STIP1: variants seen among roughly 807,000 people sequenced by gnomAD.
STIP1 encodes the protein stress-induced-phosphoprotein 1.
In STIP1, 16 loss-of-function variants were observed where a neutral mutation model predicts 77.4. That is an observed-to-expected ratio of 0.21 (90% CI 0.14 to 0.31). The LOEUF (loss-of-function observed/expected upper bound fraction) is 0.31. Among genes scored for constraint, STIP1 ranks in the 10% least tolerant of loss-of-function variants. STIP1 has a pLI of 1.00. For synonymous variants in STIP1, 258 were observed against 246.6 expected (o/e 1.05, Z -0.44); for missense variants, 524 against 684.8 (o/e 0.77, Z 2.62).
intron 1 of STIP1, among the ~76,000 whole-genome samples, chr11:64,188,630 G>A (rs57021319): frequency 0.11 from 16,872 of 152,190 alleles, 1,169 homozygotes; most frequent in Non-Finnish European, 0.16. Context: ...TCTAGCCTTG[G>A]CCTCCCACTT....
chr11:64,185,677 C>A (rs1318222972), upstream of STIP1: 2 of 1,142,292 alleles, frequency 1.8e-6, no homozygotes, highest in Non-Finnish European at 2.4e-6. Flanking sequence ...GACACAGCTA[C>A]AGACCCCGAC....
In STIP1 at chr11:64,203,497, G is replaced by A. The variant is rs1163131892; in HGVS notation, c.1434G>A (p.Arg478=). The change falls in exon 13 of 14, where the codon CGG becomes CGA. Residue 478 remains arginine (R), a synonymous_variant. Coordinates refer to ENST00000305218, the MANE Select transcript of STIP1 (RefSeq NM_006819.3). ...GCTGTATGATGGCGCAGTACAACCG[G>A]CACGACAGCCCCGAAGATGTGAAGC... ...YQRCMMAQYN[R]HDSPEDVKRR... 4.3e-6 allele frequency: 7 copies of A among 1,613,954 alleles called. No homozygotes were observed. The highest frequency in any genetic ancestry group is 5.9e-6 in the Non-Finnish European group (7 of 1,180,018).
At chr11:64,191,125 T>G (rs915316122) in intron 1 of STIP1, among the ~76,000 whole-genome samples, 1 of 147,962 alleles carries the variant, frequency 6.8e-6, no homozygotes, top group Non-Finnish European at 1.5e-5. Context: ...AGGCAGAGGT[T>G]GTGGTGAGGC....
At chr11:64,185,816 G>A, upstream of STIP1, 3 of 1,535,858 alleles carry the variant, frequency 2.0e-6, no homozygotes, top group African/African-American at 2.7e-5. Flanking sequence ...TTCTGAAGGC[G>A]GTTCCGACAT....
chr11:64,191,757 C>CT (rs879445704), intron 1 of STIP1, among the ~76,000 whole-genome samples: 401 of 142,874 alleles, frequency 2.8e-3, no homozygotes, highest in African/African-American at 3.0e-3. Flanking sequence ...GCCTGCCTCA[C>CT]TTTTTTTTTT....
chr11:64,195,459 A>G (rs1218939722), intron 4 of STIP1, among the ~76,000 whole-genome samples, 186 bp from the exon 5 acceptor site: 1 of 152,098 alleles, frequency 6.6e-6, no homozygotes, highest in Non-Finnish European at 1.5e-5. Context: ...TCTATTTTAG[A>G]TAGTGTTTTG....
intron 10 of STIP1, among the ~76,000 whole-genome samples, chr11:64,200,589 T>TCG (rs1294036024): frequency 9.3e-6 from 1 of 107,034 alleles, no homozygotes; most frequent in Non-Finnish European, 1.9e-5. Context: ...ATCTAACTGG[T>TCG]CGTGTGTGTG....
chr11:64,198,753 GTTTT>G (rs371481270), intron 8 of STIP1, among the ~76,000 whole-genome samples: 1 of 111,060 alleles, frequency 9.0e-6, no homozygotes, highest in Non-Finnish European at 1.8e-5. Context: ...TTTTTTTGTG[GTTTT>G]TTTTTTTTTT....
At chr11:64,196,845 C>T (rs1946156170) in intron 5 of STIP1, 1 of 173,506 alleles carries the variant, frequency 5.8e-6, no homozygotes, top group African/African-American at 2.4e-5. Context: ...CACTCAGCCG[C>T]TTCTCATCCT....
chr11:64,199,917 A>G (rs1479422057), intron 8 of STIP1, 23 bp from the exon 9 acceptor site: 1 of 1,613,200 alleles, frequency 6.2e-7, no homozygotes, highest in African/African-American at 1.3e-5. Context: ...TTAAATTATT[A>G]TTTCAAGAAT....
chr11:64,194,139 G>C (rs1946121655), intron 2 of STIP1, 50 bp from the exon 3 acceptor site: 1 of 1,573,124 alleles, frequency 6.4e-7, no homozygotes, highest in Non-Finnish European at 8.6e-7. Context: ...TCGTCTTCTA[G>C]ATTTACCTCT....
upstream of STIP1, chr11:64,185,966 C>T: frequency 6.5e-7 from 1 of 1,538,800 alleles, no homozygotes; most frequent in Non-Finnish European, 8.7e-7. Flanking sequence ...TTCGTGGAGC[C>T]TGAGATGGGT....
intron 13 of STIP1, 67 bp from the exon 14 acceptor site, chr11:64,203,987 C>T (rs1946252860): frequency 1.3e-6 from 2 of 1,582,160 alleles, no homozygotes; most frequent in South Asian, 2.2e-5. Flanking sequence ...TGAATTGGGG[C>T]TTGCTCTGAG....
At chr11:64,194,426 A>G in intron 3 of STIP1, 53 bp from the exon 4 acceptor site, 2 of 1,612,428 alleles carry the variant, frequency 1.2e-6, no homozygotes, top group South Asian at 2.2e-5. Context: ...TATGGGACAC[A>G]GTAATTCTAG....
At chr11:64,189,120 T>C (rs553474157) in intron 1 of STIP1, among the ~76,000 whole-genome samples, 24 of 152,318 alleles carry the variant, frequency 1.6e-4, no homozygotes, top group Admixed American at 9.8e-4. Context: ...CCCAACACTT[T>C]GGGAGGTTGA....
intron 1 of STIP1, among the ~76,000 whole-genome samples, chr11:64,191,187 CAAA>C (rs756671182): frequency 1.2e-4 from 9 of 73,438 alleles, no homozygotes; most frequent in Non-Finnish European, 1.8e-4. Context: ...AACTCTGTCT[CAAA>C]AAAAAAAAAA....
In STIP1 at chr11:64,191,178, A is replaced by G. The variant is rs531575661; in HGVS notation, c.10-1900A>G. On this transcript the variant is annotated intron_variant, in intron 1 of 13. Transcript: ENST00000305218. ...CTCCAGCCTGGGCAACCAGAGTGAA[A>G]CTCTGTCTCAAAAAAAAAAAAAAAA... is the stretch of plus-strand genomic sequence containing the variant. Among the ~76,000 whole-genome samples the G allele has an allele frequency of 6.3e-5, 9 of 143,512 alleles. No individual in the cohort carries two copies. The South Asian group carries it at 2.0e-3, about 32-fold the overall frequency. The allele number at this position is 143,512 out of a possible 152,430, so 94.1% of individuals were successfully genotyped here.
intron 7 of STIP1, 29 bp downstream of exon 7, chr11:64,197,624 G>A (rs749111494): frequency 6.2e-7 from 1 of 1,612,496 alleles, no homozygotes; most frequent in Non-Finnish European, 8.5e-7. Flanking sequence ...AATACCTTGA[G>A]TAGCGCGGAG....
At chr11:64,186,852 C>T (rs764679150) in intron 1 of STIP1, among the ~76,000 whole-genome samples, 11 of 152,104 alleles carry the variant, frequency 7.2e-5, no homozygotes, top group Non-Finnish European at 1.0e-4. Flanking sequence ...GGTGGGAGAG[C>T]GTTGAGCGGG....
Sources: gnomAD v4.1 joint callset for allele counts (sites outside exome capture counted in the v4.1 genomes callset) on GRCh38, gnomAD v4.1.1 for gene constraint, MANE v1.5 for transcripts, NCBI Gene and HGNC (gene_info 2026-07-23, HGNC 2026-07-21) for gene names.